PDZD2: variants seen among roughly 807,000 people sequenced by gnomAD.
The protein encoded by PDZD2 is PDZ domain containing 2.
In PDZD2, 90 loss-of-function variants were observed where a neutral mutation model predicts 220.7. The ratio of observed to expected loss-of-function variants is 0.41; its 90% CI spans 0.34 to 0.49. The LOEUF is 0.49. Ranked by LOEUF, PDZD2 falls within the 20% of genes least tolerant of loss-of-function variation. The pLI, the probability that PDZD2 is intolerant of heterozygous loss-of-function variation, is 0.28. For synonymous variants in PDZD2, 1,375 were observed against 1,450.5 expected, an observed-to-expected ratio of 0.95 and a Z score of 1.18; for missense variants, 3,174 against 3,608.5, an observed-to-expected ratio of 0.88 and a Z score of 3.08.
intron 1 of PDZD2, among the ~76,000 whole-genome samples, chr5:31,707,985 G>A (rs922204825): frequency 6.6e-5 from 10 of 152,072 alleles, no homozygotes; most frequent in South Asian, 2.1e-4. Flanking sequence ...CTCCTTTTCC[G>A]TCCCAAAATA....
intron 2 of PDZD2, among the ~76,000 whole-genome samples, chr5:31,884,259 A>ACATACATACATACATCCATCCATC (rs923352259): frequency 1.6e-4 from 25 of 151,678 alleles, no homozygotes; most frequent in African/African-American, 5.1e-4. Context: ...ATACATACAT[A>ACATACATACATACATCCATCCATC]CATCCTGGGT....
At chr5:31,709,003 T>C (rs1243980018) in intron 1 of PDZD2, among the ~76,000 whole-genome samples, 1 of 151,906 alleles carries the variant, frequency 6.6e-6, no homozygotes, top group East Asian at 1.9e-4. Context: ...TTCTCCTGCC[T>C]CAGCCTCCCG....
intron 2 of PDZD2, among the ~76,000 whole-genome samples, chr5:31,903,785 G>T (rs1430990581): frequency 6.6e-6 from 1 of 151,948 alleles, no homozygotes; most frequent in Non-Finnish European, 1.5e-5. Flanking sequence ...GTGTAATGGC[G>T]TGATCTCTGC....
Position 31,869,841 on chromosome 5 carries a change from A to G in PDZD2, c.476+70117A>G, listed in dbSNP as rs1738614044. 3.3e-5 allele frequency among the ~76,000 whole-genome samples: 5 copies of G among 152,284 alleles called. No individual in the cohort carries two copies. The South Asian group carries it at 1.0e-3, about 32-fold the overall frequency. On this transcript the variant is annotated intron_variant, in intron 2 of 24. Transcript: ENST00000438447. ...CTTAATTCCTGCTGTCGGCTCGGGC[A>G]TCTGAGGGCAGAGAGAGGGGTGGGT...
intron 1 of PDZD2, among the ~76,000 whole-genome samples, chr5:31,761,122 G>T (rs1016714259): frequency 2.0e-5 from 3 of 152,064 alleles, no homozygotes; most frequent in Non-Finnish European, 2.9e-5. Context: ...AAAGGTGGGG[G>T]TTGAACTGTA....
intron 2 of PDZD2, among the ~76,000 whole-genome samples, chr5:31,827,339 C>T (rs148735840): frequency 8.3e-4 from 126 of 152,166 alleles, no homozygotes; most frequent in African/African-American, 2.5e-3. Context: ...TCCTTGTAGG[C>T]GTAATTGTGA....
chr5:31,765,846 G>A (rs941373008), intron 1 of PDZD2, among the ~76,000 whole-genome samples: 4 of 152,238 alleles, frequency 2.6e-5, no homozygotes, highest in East Asian at 1.9e-4. Flanking sequence ...GTGGCTAGTC[G>A]TGAGCTGCTG....
intron 2 of PDZD2, among the ~76,000 whole-genome samples, chr5:31,897,264 T>C (rs149658501): frequency 3.3e-4 from 50 of 152,302 alleles, no homozygotes; most frequent in Middle Eastern, 3.4e-3. Flanking sequence ...ATGGGGAAGA[T>C]ATTCCTGAGA....
intron 8 of PDZD2, among the ~76,000 whole-genome samples, chr5:32,049,895 C>T (rs897231784): frequency 1.2e-4 from 19 of 152,144 alleles, no homozygotes; most frequent in African/African-American, 4.1e-4. Context: ...CCCACAGAGT[C>T]AGGGGAGATC....
intron 1 of PDZD2, among the ~76,000 whole-genome samples, chr5:31,698,094 A>G (rs1747452825): frequency 1.4e-5 from 2 of 147,876 alleles, no homozygotes; most frequent in African/African-American, 5.0e-5. Context: ...TTTTTAGTAG[A>G]GACGGGGTTT....
rs1752017728 is a variant in PDZD2 at position 32,000,501 on chromosome 5, GTTTTTGTTT to G, written c.1254+233_1254+241del. 6.6e-6 allele frequency among the ~76,000 whole-genome samples: 1 copy of G among 150,876 alleles called. No individual in the cohort carries two copies. The highest frequency in any genetic ancestry group is 1.5e-5 in the Non-Finnish European group (1 of 67,772). Reference sequence around the variant, plus strand: ...GAAGTTTGTTTTTGTTTTTGTTTTTGTTTTTGTTTTTGTTTTTGTTTTTTTTGAGACGGA... The same window carrying G: ...GAAGTTTGTTTTTGTTTTTGTTTTTGTTGTTTTTGTTTTTTTTGAGACGGA... On this transcript the variant is annotated intron_variant, in intron 5 of 24. Coordinates refer to ENST00000438447, the MANE Select transcript of PDZD2 (RefSeq NM_178140.4). The surrounding 1 kb of genome is among the most constrained non-coding windows in gnomAD (Gnocchi z 4.5).
Position 32,108,165 on chromosome 5 carries a change from C to A in PDZD2, c.*30C>A, listed in dbSNP as rs1186051915. The A allele has an allele frequency of 1.3e-6, 2 of 1,515,170 alleles. No homozygotes were observed. The highest frequency in any genetic ancestry group is 1.8e-6 in the Non-Finnish European group (2 of 1,102,478). The allele number at this position is 1,515,170 out of a possible 1,614,324, so 93.9% of individuals were successfully genotyped here. A position where few individuals can be genotyped will look rare whatever the true frequency, so the allele number is the denominator to read the frequency against. On this transcript the variant is annotated 3_prime_UTR_variant, in exon 25 of 25. Transcript: ENST00000438447. ...TAACAAGAATCATTTTCTCAGTTCT[C>A]TTCTTTCTTTAGCAAATCAGAGTGA...
intron 1 of PDZD2, among the ~76,000 whole-genome samples, chr5:31,760,386 A>G (rs1751559140): frequency 6.6e-6 from 1 of 152,232 alleles, no homozygotes; most frequent in Non-Finnish European, 1.5e-5. Flanking sequence ...AATTGTGAGC[A>G]TAGGTGTACA....
intron 1 of PDZD2, among the ~76,000 whole-genome samples, chr5:31,667,715 C>G (rs1187347650): frequency 6.6e-6 from 1 of 152,066 alleles, no homozygotes; most frequent in African/African-American, 2.4e-5. Flanking sequence ...TGCCCCTCAA[C>G]AGCTCACTCC....
chr5:32,003,355 CACCACACCACA>C (rs1752506141), intron 5 of PDZD2, among the ~76,000 whole-genome samples: 2 of 97,984 alleles, frequency 2.0e-5, no homozygotes, highest in Non-Finnish European at 2.1e-5. Context: ...ACACACCACA[CACCACACCACA>C]CACACACCAC....
chr5:31,780,867 G>A (rs1753025294), intron 1 of PDZD2, among the ~76,000 whole-genome samples: 1 of 152,180 alleles, frequency 6.6e-6, no homozygotes, highest in African/African-American at 2.4e-5. Context: ...GCGTGTCACT[G>A]AGAGCTGATA....
chr5:32,049,771 A>G (rs1271168542), intron 8 of PDZD2, among the ~76,000 whole-genome samples: 1 of 152,196 alleles, frequency 6.6e-6, no homozygotes, highest in Non-Finnish European at 1.5e-5. Flanking sequence ...ATTCACCCAA[A>G]GGCAACTTGA....
At chr5:31,969,534 A>AAAAAAAAAAAAAAAAAAAAAG (rs1554016420) in intron 2 of PDZD2, among the ~76,000 whole-genome samples, 1 of 140,312 alleles carries the variant, frequency 7.1e-6, no homozygotes, top group Non-Finnish European at 1.6e-5. Context: ...AAAAAAAAAA[A>AAAAAAAAAAAAAAAAAAAAAG]ACAATGGATA....
intron 6 of PDZD2, among the ~76,000 whole-genome samples, chr5:32,013,510 G>A (rs1407089574): frequency 1.3e-5 from 2 of 151,978 alleles, no homozygotes; most frequent in Non-Finnish European, 2.9e-5. Context: ...GTTTATTACT[G>A]TAGTTTCTTC....
Sources: gnomAD v4.1 joint callset for allele counts (sites outside exome capture counted in the v4.1 genomes callset) on GRCh38, gnomAD v4.1.1 for gene constraint, Gnocchi (gnomAD v3.1) non-coding constraint, MANE v1.5 for transcripts, NCBI Gene and HGNC (gene_info 2026-07-23, HGNC 2026-07-21) for gene names.